THADA: variants seen among roughly 807,000 people sequenced by gnomAD.
THADA encodes tRNA (32-2'-O)-methyltransferase regulator THADA.
In THADA, 213 loss-of-function variants were observed where a neutral mutation model predicts 219.8. That is an observed-to-expected ratio of 0.97 (90% CI 0.87 to 1.09). THADA has a LOEUF of 1.09. Ranked by LOEUF, THADA falls within the 50% of genes least tolerant of loss-of-function variation. THADA has a pLI of 0.00. For synonymous variants in THADA, 1,018 were observed against 828.9 expected (o/e 1.23, Z -3.92); for missense variants, 2,956 against 2,311.3 (o/e 1.28, Z -5.72).
chr2:43,282,788 A>G (rs956930092), intron 35 of THADA, among the ~76,000 whole-genome samples: 1 of 152,194 alleles, frequency 6.6e-6, no homozygotes, highest in Admixed American at 6.5e-5. Context: ...GATATTCTCA[A>G]GCTTGGTTTT....
At chr2:43,268,487 G>A (rs1671777633) in intron 36 of THADA, among the ~76,000 whole-genome samples, 1 of 152,314 alleles carries the variant, frequency 6.6e-6, no homozygotes, top group South Asian at 2.1e-4. Context: ...GAGAGGTCTT[G>A]CCATGGGGAC....
chr2:43,401,174 T>A (rs1051999549), intron 28 of THADA, among the ~76,000 whole-genome samples: 1 of 152,222 alleles, frequency 6.6e-6, no homozygotes, highest in Non-Finnish European at 1.5e-5. Context: ...ACCAGTGTCT[T>A]AAAACCTCTA....
intron 15 of THADA, chr2:43,566,417 C>A (rs990653400): frequency 2.0e-5 from 14 of 696,964 alleles, no homozygotes; most frequent in Admixed American, 1.1e-4. Flanking sequence ...CAGCAACAAA[C>A]AAATTAGTGA....
At chr2:43,312,913 T>C (rs1404337821) in intron 31 of THADA, among the ~76,000 whole-genome samples, 2 of 152,162 alleles carry the variant, frequency 1.3e-5, no homozygotes, top group Non-Finnish European at 2.9e-5. Context: ...GAGGAACAGA[T>C]AAGAATTGTT....
At chr2:43,259,903 T>G (rs993457077) in intron 36 of THADA, among the ~76,000 whole-genome samples, 17 of 152,228 alleles carry the variant, frequency 1.1e-4, no homozygotes, top group African/African-American at 4.1e-4. Flanking sequence ...ACCATTAAAC[T>G]CTCTCTAAAA....
intron 26 of THADA, among the ~76,000 whole-genome samples, chr2:43,477,217 GA>G (rs947648253): frequency 6.6e-6 from 1 of 151,476 alleles, no homozygotes; most frequent in African/African-American, 2.4e-5. Flanking sequence ...CTGTTGGATG[GA>G]AAAAAAATGG....
intron 23 of THADA, 31 bp downstream of exon 23, chr2:43,508,617 A>C: frequency 6.2e-7 from 1 of 1,603,464 alleles, no homozygotes; most frequent in African/African-American, 1.3e-5. Context: ...GACAAATATA[A>C]ACAAACAGCT....
intron 26 of THADA, among the ~76,000 whole-genome samples, chr2:43,483,812 T>G (rs925259079): frequency 1.3e-5 from 2 of 151,648 alleles, no homozygotes; most frequent in Non-Finnish European, 2.9e-5. Context: ...AAAAAAAAAT[T>G]TTCTTCAAGT....
chr2:43,327,824 T>G (rs1199653152), intron 30 of THADA, among the ~76,000 whole-genome samples: 2 of 152,190 alleles, frequency 1.3e-5, no homozygotes, highest in Non-Finnish European at 2.9e-5. Flanking sequence ...ACTTTTCTAA[T>G]GATCCAGACA....
intron 7 of THADA, among the ~76,000 whole-genome samples, chr2:43,586,166 G>A (rs1347237626): frequency 6.6e-6 from 1 of 152,068 alleles, no homozygotes; most frequent in Non-Finnish European, 1.5e-5. Context: ...GTGGGAAGCT[G>A]AGGTGATACA....
At chr2:43,359,483 C>A (rs1669248044) in intron 29 of THADA, among the ~76,000 whole-genome samples, 1 of 152,186 alleles carries the variant, frequency 6.6e-6, no homozygotes, top group African/African-American at 2.4e-5. Flanking sequence ...AGTTTGAGAC[C>A]AGCCTGGTCA....
At chr2:43,523,570 A>G (rs1251613809) in intron 22 of THADA, among the ~76,000 whole-genome samples, 4 of 152,180 alleles carry the variant, frequency 2.6e-5, no homozygotes, top group African/African-American at 9.7e-5. Context: ...TTGCTCATCA[A>G]AAGTTTTCTG....
chr2:43,275,215 G>C (rs1014062278), intron 36 of THADA, among the ~76,000 whole-genome samples: 4 of 152,170 alleles, frequency 2.6e-5, no homozygotes, highest in African/African-American at 9.6e-5. Flanking sequence ...ATGTTGGCCA[G>C]GCTGGTCTTG....
At chr2:43,588,753 C>T (rs988829880) in intron 4 of THADA, among the ~76,000 whole-genome samples, 2 of 151,952 alleles carry the variant, frequency 1.3e-5, no homozygotes, top group Non-Finnish European at 2.9e-5. Flanking sequence ...TGGGGGAGTA[C>T]AATTTAACAA....
intron 36 of THADA, among the ~76,000 whole-genome samples, chr2:43,251,951 T>C (rs1669844998): frequency 6.6e-6 from 1 of 152,220 alleles, no homozygotes; most frequent in South Asian, 2.1e-4. Flanking sequence ...GAAGCTACCA[T>C]TCTCCTGATT....
intron 22 of THADA, among the ~76,000 whole-genome samples, chr2:43,521,659 C>T (rs1471892155): frequency 6.6e-6 from 1 of 152,228 alleles, no homozygotes; most frequent in Non-Finnish European, 1.5e-5. Context: ...GCTATAGCTG[C>T]TATTCAGGCC....
At chr2:43,397,779 A>G (rs1181878093) in intron 29 of THADA, among the ~76,000 whole-genome samples, 192 bp downstream of exon 29, 2 of 152,158 alleles carry the variant, frequency 1.3e-5, no homozygotes, top group Non-Finnish European at 2.9e-5. Flanking sequence ...ATCACAATGT[A>G]ACACTGTAGT....
chr2:43,479,734 C>A (rs1344716150), intron 26 of THADA, among the ~76,000 whole-genome samples: 1 of 152,198 alleles, frequency 6.6e-6, no homozygotes, highest in Non-Finnish European at 1.5e-5. Context: ...TTACGACATT[C>A]CCGGTTGACA....
intron 11 of THADA, among the ~76,000 whole-genome samples, chr2:43,573,277 G>C (rs555623816): frequency 6.6e-6 from 1 of 152,216 alleles, no homozygotes; most frequent in East Asian, 1.9e-4. Context: ...CACCTAGAAA[G>C]GGAATCAGGC....
Sources: gnomAD v4.1 joint callset for allele counts (sites outside exome capture counted in the v4.1 genomes callset) on GRCh38, gnomAD v4.1.1 for gene constraint, MANE v1.5 for transcripts, NCBI Gene and HGNC (gene_info 2026-07-23, HGNC 2026-07-21) for gene names.